The following MOB3B variants were observed in gnomAD, a reference collection of about 807,000 sequenced individuals.
MOB3B encodes MOB kinase activator-like 2B.
Under a neutral mutation model 18.7 loss-of-function variants are expected in MOB3B, and 7 were observed. The observed-to-expected ratio is 0.37, with a 90% CI of 0.21 to 0.70. MOB3B has a LOEUF of 0.70. Among genes scored for constraint, MOB3B ranks in the 30% least tolerant of loss-of-function variants. The pLI is 0.52. For synonymous variants in MOB3B, 111 were observed against 99.9 expected (o/e 1.11, Z -0.66); for missense variants, 253 against 281.3 (o/e 0.90, Z 0.72).
At chr9:27,464,806 A>C (rs1447162466) in intron 1 of MOB3B, among the ~76,000 whole-genome samples, 3 of 150,152 alleles carry the variant, frequency 2.0e-5, no homozygotes, top group Non-Finnish European at 4.4e-5. Context: ...AGGAAGAAGC[A>C]AAAAAAGAGA....
intron 2 of MOB3B, among the ~76,000 whole-genome samples, chr9:27,376,400 T>C (rs1335878400): frequency 6.6e-6 from 1 of 152,222 alleles, no homozygotes. Flanking sequence ...TGAAATGAAA[T>C]GAATGAGCAC....
chr9:27,426,051 C>T (rs1452054438), intron 2 of MOB3B, among the ~76,000 whole-genome samples: 1 of 152,116 alleles, frequency 6.6e-6, no homozygotes, highest in Non-Finnish European at 1.5e-5. Flanking sequence ...ACAGTGCTTA[C>T]CACAGCTAAG....
At chr9:27,525,194 T>A (rs531612910) in intron 1 of MOB3B, among the ~76,000 whole-genome samples, 18 of 152,296 alleles carry the variant, frequency 1.2e-4, no homozygotes, top group East Asian at 1.2e-3. Flanking sequence ...GGAATAAGAT[T>A]CCCTCTCCGT....
At chr9:27,383,027 G>C (rs1206640046) in intron 2 of MOB3B, among the ~76,000 whole-genome samples, 1 of 152,174 alleles carries the variant, frequency 6.6e-6, no homozygotes, top group South Asian at 2.1e-4. Context: ...GCAGGGAAAA[G>C]AATGTGGGGG....
At chr9:27,523,877 G>A (rs893847762) in intron 1 of MOB3B, among the ~76,000 whole-genome samples, 1 of 152,116 alleles carries the variant, frequency 6.6e-6, no homozygotes, top group Non-Finnish European at 1.5e-5. Flanking sequence ...AATGAGACAG[G>A]ATGTTTGGCT....
chr9:27,402,994 C>A (rs1785548732), intron 2 of MOB3B, among the ~76,000 whole-genome samples: 2 of 152,196 alleles, frequency 1.3e-5, no homozygotes, highest in African/African-American at 4.8e-5. Context: ...TAAGTTGACT[C>A]CCTGCATCTC....
intron 2 of MOB3B, among the ~76,000 whole-genome samples, chr9:27,360,069 C>T (rs1460944692): frequency 6.6e-6 from 1 of 152,152 alleles, no homozygotes; most frequent in Non-Finnish European, 1.5e-5. Context: ...TGTAAAAGAG[C>T]GGTCATAATA....
intron 2 of MOB3B, chr9:27,394,215 G>A (rs1453174147): frequency 6.6e-6 from 1 of 152,066 alleles, no homozygotes; most frequent in Non-Finnish European, 1.5e-5. Context: ...TGGACAGAAA[G>A]CGGTAGCCAA....
At chr9:27,389,847 A>C (rs1042867405) in intron 2 of MOB3B, among the ~76,000 whole-genome samples, 1 of 152,146 alleles carries the variant, frequency 6.6e-6, no homozygotes, top group East Asian at 1.9e-4. Flanking sequence ...GCCTGGACCG[A>C]GACCGAGGAG....
chr9:27,472,243 T>A (rs1280553298), intron 1 of MOB3B, among the ~76,000 whole-genome samples: 3 of 150,828 alleles, frequency 2.0e-5, no homozygotes, highest in African/African-American at 7.3e-5. Context: ...TAATGACAAG[T>A]AAGGGTGACA....
Position 27,496,469 on chromosome 9 carries a change from G to A in MOB3B, c.-199+33086C>T, listed in dbSNP as rs546437015. Among the ~76,000 whole-genome samples the A allele has an allele frequency of 7.9e-5, 12 of 152,276 alleles. No individual in the cohort carries two copies. The East Asian group carries it at 1.2e-3, about 15-fold the overall frequency. ...TGGCTCTTTTGTTGCAAAGTGGGAC[G>A]TCACATGTAAGGACAGTATAATGTC... is the stretch of plus-strand genomic sequence containing the variant. On this transcript the variant is annotated intron_variant, in intron 1 of 3. Coordinates refer to ENST00000262244, the MANE Select transcript of MOB3B (RefSeq NM_024761.5).
At chr9:27,377,061 A>G (rs1171939260) in intron 2 of MOB3B, among the ~76,000 whole-genome samples, 3 of 152,354 alleles carry the variant, frequency 2.0e-5, no homozygotes, top group Admixed American at 2.0e-4. Context: ...TGAAGGACAT[A>G]AGGATCTTAA....
chr9:27,372,799 T>C (rs953305120), intron 2 of MOB3B, among the ~76,000 whole-genome samples: 4 of 152,244 alleles, frequency 2.6e-5, no homozygotes, highest in African/African-American at 9.6e-5. Flanking sequence ...TGTGGTATCC[T>C]GGATGGAATC....
chr9:27,515,953 G>C (rs182695346), intron 1 of MOB3B, among the ~76,000 whole-genome samples: 5 of 152,318 alleles, frequency 3.3e-5, no homozygotes, highest in African/African-American at 1.2e-4. Flanking sequence ...GATTAGGGTA[G>C]GTACTAAGTG....
intron 2 of MOB3B, among the ~76,000 whole-genome samples, chr9:27,389,847 A>T (rs1042867405): frequency 6.6e-6 from 1 of 152,146 alleles, no homozygotes; most frequent in South Asian, 2.1e-4. Context: ...GCCTGGACCG[A>T]GACCGAGGAG....
chr9:27,419,634 C>T (rs1233804982), intron 2 of MOB3B, among the ~76,000 whole-genome samples: 4 of 152,124 alleles, frequency 2.6e-5, no homozygotes, highest in Non-Finnish European at 2.9e-5. Context: ...CCTCATCTCT[C>T]GCCTTATACA....
intron 2 of MOB3B, among the ~76,000 whole-genome samples, chr9:27,380,440 T>C (rs1321310170): frequency 6.6e-6 from 1 of 151,960 alleles, no homozygotes; most frequent in African/African-American, 2.4e-5. Context: ...GTTTTCACCA[T>C]GTTGGCCAGG....
intron 1 of MOB3B, among the ~76,000 whole-genome samples, chr9:27,496,926 T>G (rs1334255233): frequency 6.6e-6 from 1 of 152,218 alleles, no homozygotes; most frequent in Non-Finnish European, 1.5e-5. Context: ...TTTCCATTCT[T>G]GATCTAAAAC....
rs34959338 is a variant in MOB3B at position 27,455,137 on chromosome 9, G to A, written c.414C>T (p.Cys138=). The A allele has an allele frequency of 0.16, 261,764 of 1,613,394 alleles. 23,742 individuals are homozygous for A. The highest frequency in any genetic ancestry group is 0.2 in the Middle Eastern group (1,224 of 6,034). The change falls in exon 2 of 4, where the codon TGC becomes TGT. Residue 138 remains cysteine, a synonymous_variant. Coordinates refer to ENST00000262244, the MANE Select transcript of MOB3B (RefSeq NM_024761.5). ...QINNEEIFPT[C]VGVPFPKNFL... is the part of the protein sequence containing the mutation. ...GAGAGCTGGTAATGAACTTACCCAC[G>A]CATGTTGGAAATATTTCCTCGTTGT... is the stretch of plus-strand genomic sequence containing the variant.
Sources: allele counts gnomAD v4.1 joint callset (sites outside exome capture counted in the v4.1 genomes callset), GRCh38; gene constraint gnomAD v4.1.1; transcripts MANE v1.5; gene names NCBI Gene and HGNC (gene_info 2026-07-23, HGNC 2026-07-21).